Variants in NXPE2 observed in about 807,000 individuals in gnomAD.
The protein encoded by NXPE2 is neurexophilin and PC-esterase domain family member 2.
A neutral mutation model predicts 34.4 loss-of-function variants in NXPE2; 34 were observed. That is an observed-to-expected ratio of 0.99 (90% CI 0.75 to 1.31). NXPE2 has a LOEUF of 1.31. NXPE2 is among the 40% of genes most tolerant of loss of function. The pLI, the probability that NXPE2 is intolerant of heterozygous loss-of-function variation, is 0.00. For missense variants in NXPE2, 649 were observed against 672.5 expected (o/e 0.97, Z 0.39); for synonymous variants, 235 against 231.3 (o/e 1.02, Z -0.15).
the NXPE2 span, among the ~76,000 whole-genome samples, chr11:114,608,322 T>C: frequency 6.6e-6 from 1 of 151,996 alleles, no homozygotes; most frequent in Non-Finnish European, 1.5e-5. Context: ...TAACCAGTGT[T>C]ACTTGCTGGA....
At chr11:114,586,499 C>A in the NXPE2 span, among the ~76,000 whole-genome samples, 2 of 152,192 alleles carry the variant, frequency 1.3e-5, no homozygotes, top group Non-Finnish European at 2.9e-5. Context: ...GCGTGGCTAC[C>A]AGCCTTACAA....
chr11:114,807,356 G>A, the NXPE2 span, among the ~76,000 whole-genome samples: 1 of 152,200 alleles, frequency 6.6e-6, no homozygotes, highest in East Asian at 1.9e-4. Context: ...AACTTTAAAT[G>A]TAAATGGGCT....
the NXPE2 span, among the ~76,000 whole-genome samples, chr11:114,787,891 T>C: frequency 1.3e-5 from 2 of 152,118 alleles, no homozygotes; most frequent in Non-Finnish European, 2.9e-5. Flanking sequence ...GGACCTCTTT[T>C]CTTTGGGACT....
At chr11:114,618,641 C>T in the NXPE2 span, among the ~76,000 whole-genome samples, 12,876 of 151,982 alleles carry the variant, frequency 0.085, 657 homozygotes, top group Middle Eastern at 0.2. Flanking sequence ...CACTGTTCCC[C>T]GGTTTATAAT....
chr11:114,493,614 A>G, the NXPE2 span, among the ~76,000 whole-genome samples: 1 of 152,106 alleles, frequency 6.6e-6, no homozygotes, highest in African/African-American at 2.4e-5. Flanking sequence ...TAATGTGAAC[A>G]CTACACTTTA....
At chr11:114,728,487 A>C in the NXPE2 span, among the ~76,000 whole-genome samples, 8 of 152,194 alleles carry the variant, frequency 5.3e-5, no homozygotes, top group South Asian at 1.7e-3. Flanking sequence ...ATGTACTTGC[A>C]CAAATTCTTC....
the NXPE2 span, among the ~76,000 whole-genome samples, chr11:114,654,589 T>C: frequency 6.6e-6 from 1 of 152,154 alleles, no homozygotes; most frequent in South Asian, 2.1e-4. Context: ...CCTCTGTTCC[T>C]GTGTTAGTTT....
chr11:114,810,099 C>T, the NXPE2 span, among the ~76,000 whole-genome samples: 149 of 147,868 alleles, frequency 1.0e-3, no homozygotes, highest in Non-Finnish European at 1.8e-3. Flanking sequence ...GAAAGGATTC[C>T]CTATTTAATA....
chr11:114,654,709 C>A, the NXPE2 span, among the ~76,000 whole-genome samples: 1 of 152,122 alleles, frequency 6.6e-6, no homozygotes, highest in East Asian at 1.9e-4. Flanking sequence ...TTTTCTTTAT[C>A]CAATCTATCA....
At chr11:114,781,416 A>C in the NXPE2 span, among the ~76,000 whole-genome samples, 1 of 152,224 alleles carries the variant, frequency 6.6e-6, no homozygotes, top group Non-Finnish European at 1.5e-5. Flanking sequence ...CCAATGCCAA[A>C]GGATTTGCAG....
chr11:114,777,163 C>T, the NXPE2 span, among the ~76,000 whole-genome samples: 1 of 152,256 alleles, frequency 6.6e-6, no homozygotes, highest in Admixed American at 6.5e-5. Context: ...AAGATATGAC[C>T]TAACAGACAG....
the NXPE2 span, among the ~76,000 whole-genome samples, chr11:114,635,921 A>T: frequency 7.8e-3 from 1,186 of 152,000 alleles, 8 homozygotes; most frequent in Non-Finnish European, 0.011. Flanking sequence ...TTGGTCTAAA[A>T]TTCTCTTTTT....
chr11:114,544,483 A>T, the NXPE2 span, among the ~76,000 whole-genome samples: 1 of 152,348 alleles, frequency 6.6e-6, no homozygotes, highest in African/African-American at 2.4e-5. Flanking sequence ...TGGAAAAATG[A>T]GTCTTTTCAG....
At chr11:114,682,663 C>G (rs1278649459) in intron 2 of NXPE2, among the ~76,000 whole-genome samples, 1 of 152,022 alleles carries the variant, frequency 6.6e-6, no homozygotes, top group Non-Finnish European at 1.5e-5. Flanking sequence ...CCTGAGCAAA[C>G]CAAACTTAAT....
At chr11:114,776,947 C>A in the NXPE2 span, among the ~76,000 whole-genome samples, 1 of 152,122 alleles carries the variant, frequency 6.6e-6, no homozygotes, top group Non-Finnish European at 1.5e-5. Flanking sequence ...GTCCCAATAA[C>A]TTAATAGCCA....
At chr11:114,780,632 G>T in the NXPE2 span, among the ~76,000 whole-genome samples, 1 of 152,214 alleles carries the variant, frequency 6.6e-6, no homozygotes, top group East Asian at 1.9e-4. Flanking sequence ...CTAGTAGAAG[G>T]TGGTTGCATC....
chr11:114,600,557 C>A, the NXPE2 span, among the ~76,000 whole-genome samples: 1 of 151,914 alleles, frequency 6.6e-6, no homozygotes, highest in Non-Finnish European at 1.5e-5. Flanking sequence ...TGACGTTCTA[C>A]AAAATAATAT....
the NXPE2 span, among the ~76,000 whole-genome samples, chr11:114,536,241 A>C: frequency 6.6e-6 from 1 of 152,234 alleles, no homozygotes; most frequent in African/African-American, 2.4e-5. Flanking sequence ...CAATGAGAAC[A>C]AAGACACAAC....
At chr11:114,676,341 T>A (rs940594014), upstream of NXPE2, among the ~76,000 whole-genome samples, 5 of 151,748 alleles carry the variant, frequency 3.3e-5, no homozygotes, top group African/African-American at 1.2e-4. Context: ...GGAAAAAACA[T>A]TTGCAAACCA....
Sources: allele counts gnomAD v4.1 joint callset (sites outside exome capture counted in the v4.1 genomes callset), GRCh38; gene constraint gnomAD v4.1.1; transcripts MANE v1.5; gene names NCBI Gene and HGNC (gene_info 2026-07-23, HGNC 2026-07-21).